The following UIMC1 variants were observed in gnomAD, a reference collection of about 807,000 sequenced individuals.
UIMC1 encodes ubiquitin interaction motif containing 1.
In UIMC1, 42 loss-of-function variants were observed where a neutral mutation model predicts 84.9. That is an observed-to-expected ratio of 0.49 (90% CI 0.39 to 0.64). The LOEUF is 0.64. UIMC1 is among the 30% of genes least tolerant of loss of function. UIMC1 has a pLI of 0.00. For synonymous variants in UIMC1, 281 were observed against 293.0 expected (o/e 0.96, Z 0.42); for missense variants, 825 against 847.6 (o/e 0.97, Z 0.33).
intron 6 of UIMC1, among the ~76,000 whole-genome samples, chr5:176,964,613 A>G (rs1768012787): frequency 6.6e-6 from 1 of 152,258 alleles, no homozygotes; most frequent in African/African-American, 2.4e-5. Flanking sequence ...ATATAATTTA[A>G]CATGAGAAAA....
At chr5:177,000,684 G>A (rs1316029395) in intron 1 of UIMC1, among the ~76,000 whole-genome samples, 1 of 151,612 alleles carries the variant, frequency 6.6e-6, no homozygotes, top group Non-Finnish European at 1.5e-5. Flanking sequence ...ATTTTCAGTA[G>A]AGATGGGGTT....
At position 177,012,634 on chromosome 5, in the gene UIMC1, A is replaced by T. The variant is rs145013675; in HGVS notation, c.-9+9830T>A. Among the ~76,000 whole-genome samples, 1,421 of 152,192 alleles carry T rather than the reference A, an allele frequency of 9.3e-3. 27 individuals carry two copies. The highest frequency in any genetic ancestry group is 0.033 in the African/African-American group (1,360 of 41,512). On this transcript the variant is annotated intron_variant, in intron 1 of 5. Coordinates refer to the UIMC1 transcript ENST00000509236. ...CTTGAACCCAGGAGGTGGAGGTTGC[A>T]ATGAGCTGAGATCGCGCCACTGCAC...
chr5:176,968,549 C>T lies in UIMC1; in HGVS notation c.1200+6G>A. 2 of 1,599,978 alleles carry T rather than the reference C, an allele frequency of 1.3e-6. No homozygotes were observed. The highest frequency in any genetic ancestry group is 1.1e-5 in the South Asian group (1 of 88,336). Reference sequence around the variant, plus strand: ...CATCCTTAATTACAGCATCACTGACCCTTACCTGACCATGACTGGTTGTTG... The same window carrying T: ...CATCCTTAATTACAGCATCACTGACTCTTACCTGACCATGACTGGTTGTTG... On this transcript the variant is annotated splice_donor_region_variant and intron_variant, in intron 6 of 14. Coordinates refer to ENST00000511320, the MANE Select transcript of UIMC1 (RefSeq NM_001199298.2).
At chr5:176,999,190 A>C (rs937616932) in intron 1 of UIMC1, among the ~76,000 whole-genome samples, 2 of 152,070 alleles carry the variant, frequency 1.3e-5, no homozygotes, top group African/African-American at 2.4e-5. Flanking sequence ...AATAATAATA[A>C]TCCTCAAAAA....
chr5:176,999,438 T>C (rs1774124681), intron 1 of UIMC1, among the ~76,000 whole-genome samples: 1 of 152,154 alleles, frequency 6.6e-6, no homozygotes, highest in Non-Finnish European at 1.5e-5. Flanking sequence ...TTTTAAAATG[T>C]ACAATTACAT....
chr5:176,916,101 G>A (rs1760951582), intron 10 of UIMC1, among the ~76,000 whole-genome samples: 1 of 152,244 alleles, frequency 6.6e-6, no homozygotes. Flanking sequence ...CAAAAGAGCA[G>A]AGAAGTGTAT....
At position 176,953,495 on chromosome 5, in the gene UIMC1, TACACACACACACACACACAC is replaced by T. The variant is rs137955830; in HGVS notation, c.1340-1938_1340-1919del. Among the ~76,000 whole-genome samples, 108 of 136,978 alleles carry T rather than the reference TACACACACACACACACACAC, an allele frequency of 7.9e-4. 1 individual carries two copies. Among genetic ancestry groups the T allele is most frequent in the Middle Eastern group, 7.2e-3 (2 of 276 alleles). The allele number at this position is 136,978 out of a possible 152,430, so 89.9% of individuals were successfully genotyped here. On this transcript the variant is annotated intron_variant, in intron 8 of 14. Coordinates refer to ENST00000511320, the MANE Select transcript of UIMC1 (RefSeq NM_001199298.2). ...CAAATTTTTTTGAAAACTGGACACA[TACACACACACACACACACAC>T]ACACACACACACACACCTTATTGGA...
At chr5:176,916,867 A>G (rs1761039085) in intron 10 of UIMC1, among the ~76,000 whole-genome samples, 2 of 152,368 alleles carry the variant, frequency 1.3e-5, no homozygotes, top group African/African-American at 4.8e-5. Flanking sequence ...TAGAACAATT[A>G]TCAATACTAT....
intron 10 of UIMC1, among the ~76,000 whole-genome samples, chr5:176,937,681 G>A (rs778744189): frequency 6.6e-6 from 1 of 152,162 alleles, no homozygotes; most frequent in Non-Finnish European, 1.5e-5. Context: ...TTATTGTGCT[G>A]CACGGTAAGT....
chr5:176,916,100 A>T (rs998528099), intron 10 of UIMC1, among the ~76,000 whole-genome samples: 1 of 152,246 alleles, frequency 6.6e-6, no homozygotes, highest in Non-Finnish European at 1.5e-5. Context: ...ACAAAAGAGC[A>T]GAGAAGTGTA....
chr5:177,004,579 A>T (rs571339545), intron 1 of UIMC1, among the ~76,000 whole-genome samples: 1 of 152,352 alleles, frequency 6.6e-6, no homozygotes, highest in African/African-American at 2.4e-5. Flanking sequence ...TGCCAACAGC[A>T]GCTTCTTAAT....
intron 6 of UIMC1, among the ~76,000 whole-genome samples, chr5:176,966,885 A>C (rs1421787075): frequency 6.6e-6 from 1 of 152,214 alleles, no homozygotes; most frequent in East Asian, 1.9e-4. Flanking sequence ...TGATCATAAG[A>C]TCTAACAGAC....
chr5:176,955,946 G>A lies in UIMC1; in HGVS notation c.1339+13C>T, dbSNP rs769817391. 1.2e-5 allele frequency: 20 copies of A among 1,612,078 alleles called. No homozygotes were observed. The South Asian group carries it at 2.1e-4, about 17-fold the overall frequency. On this transcript the variant is annotated intron_variant, in intron 8 of 14. Transcript: ENST00000511320. ...GTATCAGAAATTCAGTAAAATCACA[G>A]TGGGGTACTTACCAGGACAAACAGT...
chr5:176,907,215 G>A (rs1414390068), intron 12 of UIMC1, 38 bp from the exon 13 acceptor site: 4 of 1,583,242 alleles, frequency 2.5e-6, no homozygotes, highest in Non-Finnish European at 3.5e-6. Context: ...GTTACTTCAT[G>A]TCAGAGTCTA....
At chr5:176,990,295 C>A (rs986252846) in intron 1 of UIMC1, among the ~76,000 whole-genome samples, 1 of 152,018 alleles carries the variant, frequency 6.6e-6, no homozygotes, top group Admixed American at 6.6e-5. Flanking sequence ...AACCTGTTTG[C>A]CCCTTTTACC....
At chr5:176,972,280 T>C (rs1048962441) in intron 3 of UIMC1, among the ~76,000 whole-genome samples, 1 of 151,854 alleles carries the variant, frequency 6.6e-6, no homozygotes, top group South Asian at 2.1e-4. Context: ...TGAGCGCCTA[T>C]AGTCCCAGCT....
At chr5:176,944,199 C>G (rs1279291759) in intron 9 of UIMC1, among the ~76,000 whole-genome samples, 3 of 152,164 alleles carry the variant, frequency 2.0e-5, no homozygotes, top group African/African-American at 7.2e-5. Context: ...AGACCTAAGA[C>G]CTGTGTTTTA....
At chr5:176,974,101 T>C (rs1009543745) in intron 3 of UIMC1, among the ~76,000 whole-genome samples, 1 of 152,078 alleles carries the variant, frequency 6.6e-6, no homozygotes, top group Admixed American at 6.6e-5. Context: ...TAAATTTATA[T>C]AGGAATGCAA....
At position 176,968,683 on chromosome 5, in the gene UIMC1, T is replaced by C; in HGVS notation, c.1072A>G (p.Lys358Glu). ...GCCCTAGACTCCTGCCTCTCCTCTT[T>C]GTCTTCATCTCCCATATCTTCTGAG... ...CISEDMGDED[K>E]EERQESRASD... The change falls in exon 6 of 15, where the codon AAA (lysine) becomes GAA (glutamate). Residue 358 changes from lysine (K) to glutamate (E), a missense_variant. Physicochemically the swap from Lys to Glu is moderately conservative, Grantham distance 56. Transcript: ENST00000511320. 3.1e-6 allele frequency: 5 copies of C among 1,614,194 alleles called. No homozygotes were observed. The highest frequency in any genetic ancestry group is 1.1e-5 in the South Asian group (1 of 91,086).
Sources: allele counts gnomAD v4.1 joint callset (sites outside exome capture counted in the v4.1 genomes callset), GRCh38; gene constraint gnomAD v4.1.1; transcripts MANE v1.5; gene names NCBI Gene and HGNC (gene_info 2026-07-23, HGNC 2026-07-21).